The following DIAPH2 variants were observed in gnomAD, a reference collection of about 807,000 sequenced individuals.
DIAPH2 encodes protein diaphanous homolog 2.
In DIAPH2, 35 loss-of-function variants were observed where a neutral mutation model predicts 92.7. The observed-to-expected ratio is 0.38, with a 90% confidence interval of 0.29 to 0.50. The LOEUF is 0.50. Among genes scored for constraint, DIAPH2 ranks in the 20% least tolerant of loss-of-function variants. The probability of loss-of-function intolerance (pLI) is 0.94; values close to 1 mark genes in which losing one functional copy is unlikely to be tolerated. For synonymous variants in DIAPH2, 301 were observed against 280.4 expected (o/e 1.07, Z -0.73); for missense variants, 701 against 819.5 (o/e 0.86, Z 1.77).
intron 4 of DIAPH2, among the ~76,000 whole-genome samples, chrX:96,810,447 A>T (rs1428832150): frequency 1.8e-5 from 2 of 110,118 alleles, no homozygotes; most frequent in African/African-American, 6.6e-5. Flanking sequence ...GATTACAAAA[A>T]TTTTCTCCCA....
intron 26 of DIAPH2, among the ~76,000 whole-genome samples, chrX:97,509,307 A>G (rs1310121750): frequency 1.8e-5 from 2 of 110,077 alleles, no homozygotes; most frequent in East Asian, 5.7e-4. Context: ...TTGGCCTCCC[A>G]AAGTGCTGGG....
intron 23 of DIAPH2, among the ~76,000 whole-genome samples, chrX:97,289,205 A>G (rs772811087): frequency 8.9e-6 from 1 of 112,084 alleles, no homozygotes; most frequent in South Asian, 3.7e-4. Context: ...ACATTTGTCT[A>G]TAATCTTCCC....
intron 25 of DIAPH2, among the ~76,000 whole-genome samples, chrX:97,391,078 T>C (rs1327287322): frequency 8.9e-6 from 1 of 111,872 alleles, no homozygotes; most frequent in African/African-American, 3.2e-5. Flanking sequence ...CTTATAAATA[T>C]GTTTCAAAAA....
chrX:96,824,047 T>A (rs2064796454), intron 4 of DIAPH2, among the ~76,000 whole-genome samples: 1 of 110,396 alleles, frequency 9.1e-6, no homozygotes, highest in Admixed American at 9.7e-5. Context: ...CCCTCCACAC[T>A]CTGATCATTC....
At position 97,496,065 on chromosome X, in the gene DIAPH2, G is replaced by A. The variant is rs2070755458; in HGVS notation, c.3241+66320G>A. ...TGTAAGAAAAGCATTGAATTTAAGG[G>A]GCAGAAACTATCCCAGAAAGTTACT... is the stretch of plus-strand genomic sequence containing the variant. On this transcript the variant is annotated intron_variant, in intron 26 of 26. Coordinates refer to ENST00000324765, the MANE Select transcript of DIAPH2 (RefSeq NM_006729.5). Among the ~76,000 whole-genome samples the A allele has an allele frequency of 5.4e-5, 6 of 110,222 alleles. No individual in the cohort carries two copies. The Admixed American group carries it at 5.8e-4, about 11-fold the overall frequency.
At chrX:97,414,778 G>A (rs2069923550) in intron 25 of DIAPH2, among the ~76,000 whole-genome samples, 1 of 111,362 alleles carries the variant, frequency 9.0e-6, no homozygotes. Flanking sequence ...GAAAACCTAG[G>A]CAATACCATT....
At chrX:97,462,350 G>A (rs1161008301) in intron 26 of DIAPH2, among the ~76,000 whole-genome samples, 1 of 111,822 alleles carries the variant, frequency 8.9e-6, no homozygotes, top group Non-Finnish European at 1.9e-5. Context: ...ACAAACATTT[G>A]TCTGACAATC....
chrX:97,086,275 A>G (rs1054977835), intron 19 of DIAPH2, among the ~76,000 whole-genome samples: 1 of 111,716 alleles, frequency 9.0e-6, no homozygotes, highest in Non-Finnish European at 1.9e-5. Context: ...GCTAAGTGAC[A>G]TAAGGCAGAC....
At chrX:96,815,678 T>C (rs748406351) in intron 4 of DIAPH2, among the ~76,000 whole-genome samples, 2 of 110,924 alleles carry the variant, frequency 1.8e-5, no homozygotes, top group South Asian at 3.9e-4. Context: ...TGTTTTTTTC[T>C]TTTTTTTGAG....
intron 23 of DIAPH2, among the ~76,000 whole-genome samples, chrX:97,346,661 G>A (rs188350922): frequency 1.8e-5 from 2 of 111,799 alleles, no homozygotes; most frequent in Admixed American, 1.9e-4. Flanking sequence ...TAGGTTTGAT[G>A]AAGAGTGGAC....
At chrX:96,886,527 C>T (rs2065263600) in intron 5 of DIAPH2, among the ~76,000 whole-genome samples, 1 of 111,188 alleles carries the variant, frequency 9.0e-6, no homozygotes. Context: ...TTTTTCTTCC[C>T]CTTGAAAGTA....
chrX:97,387,109 T>C (rs1402052389), intron 25 of DIAPH2, among the ~76,000 whole-genome samples: 2 of 111,332 alleles, frequency 1.8e-5, no homozygotes, highest in Non-Finnish European at 3.8e-5. Context: ...CTGTCACCCA[T>C]GATGGAGTGC....
chrX:97,456,711 T>C (rs1334201178), intron 26 of DIAPH2, among the ~76,000 whole-genome samples: 4 of 111,165 alleles, frequency 3.6e-5, no homozygotes, highest in African/African-American at 6.5e-5. Context: ...TATTTTGAAA[T>C]TTTCAAGTAT....
chrX:96,817,722 G>A (rs1278537551), intron 4 of DIAPH2, among the ~76,000 whole-genome samples: 1 of 109,772 alleles, frequency 9.1e-6, no homozygotes, highest in Non-Finnish European at 1.9e-5. Context: ...GAAGGAGGGC[G>A]AGAGAACTCT....
At chrX:97,398,890 G>A (rs981587981) in intron 25 of DIAPH2, among the ~76,000 whole-genome samples, 1 of 109,422 alleles carries the variant, frequency 9.1e-6, no homozygotes, top group Non-Finnish European at 1.9e-5. Context: ...GGGATTACAG[G>A]CACCCACCAC....
At chrX:97,397,564 C>T (rs183439356) in intron 25 of DIAPH2, among the ~76,000 whole-genome samples, 12 of 111,817 alleles carry the variant, frequency 1.1e-4, no homozygotes, top group African/African-American at 3.9e-4. Context: ...CTTTTACATC[C>T]GTGTGGTTCT....
intron 26 of DIAPH2, among the ~76,000 whole-genome samples, chrX:97,537,236 G>A (rs763294160): frequency 2.1e-4 from 24 of 111,673 alleles, no homozygotes; most frequent in African/African-American, 7.2e-4. Context: ...TTTACAAGTA[G>A]CCCAGTGCAA....
At chrX:97,485,805 C>T (rs1338275217) in intron 26 of DIAPH2, among the ~76,000 whole-genome samples, 4 of 111,342 alleles carry the variant, frequency 3.6e-5, no homozygotes, top group Admixed American at 9.5e-5. Context: ...TTAAACATCT[C>T]GGGGCAAATT....
intron 1 of DIAPH2, among the ~76,000 whole-genome samples, chrX:96,685,716 C>T (rs749726191): frequency 8.9e-6 from 1 of 112,028 alleles, no homozygotes; most frequent in African/African-American, 3.3e-5. Context: ...CGCCTACGTG[C>T]CTTTTTCCTC....
Sources: allele counts gnomAD v4.1 joint callset (sites outside exome capture counted in the v4.1 genomes callset), GRCh38; gene constraint gnomAD v4.1.1; transcripts MANE v1.5; gene names NCBI Gene and HGNC (gene_info 2026-07-23, HGNC 2026-07-21).